Variants in CXADR observed in about 807,000 individuals in gnomAD.
CXADR encodes coxsackievirus and adenovirus receptor.
CXADR carries 20 observed loss-of-function variants against 40.3 expected under a neutral mutation model. The observed-to-expected ratio is 0.50, with a 90% CI of 0.35 to 0.72. The LOEUF (loss-of-function observed/expected upper bound fraction) is 0.72. CXADR is among the 30% of genes least tolerant of loss of function. The probability of loss-of-function intolerance (pLI) is 0.01; values close to 1 mark genes in which losing one functional copy is unlikely to be tolerated. For missense variants in CXADR, 332 were observed against 449.1 expected (o/e 0.74, Z 2.36); for synonymous variants, 150 against 161.3 (o/e 0.93, Z 0.53).
At chr21:17,535,734 C>T (rs901123547) in intron 1 of CXADR, among the ~76,000 whole-genome samples, 7 of 152,130 alleles carry the variant, frequency 4.6e-5, no homozygotes, top group African/African-American at 1.7e-4. Flanking sequence ...TGGCTGGGCA[C>T]GTTGGCTTAC....
rs769030571 is a variant in CXADR, at chr21:17,569,046, G to T, written c.*3354G>T. 6.1e-6 allele frequency: 6 copies of T among 985,226 alleles called. No homozygotes were observed. The highest frequency in any genetic ancestry group is 7.2e-6 in the Non-Finnish European group (6 of 829,934). 61.0% of individuals were successfully genotyped at this position (985,226 alleles called of 1,614,324 possible). On this transcript the variant is annotated 3_prime_UTR_variant, in exon 7 of 7. Transcript: ENST00000284878. ...TTGGAAATTTGGAACAAGTAAAGGG[G>T]CAAGTAAACCTTTTGATGAAATATA... is the stretch of plus-strand genomic sequence containing the variant.
At chr21:17,576,492 T>G (rs1176468098) in intron 7 of CXADR, among the ~76,000 whole-genome samples, 2 of 152,224 alleles carry the variant, frequency 1.3e-5, no homozygotes, top group African/African-American at 4.8e-5. Context: ...AGTGTTAGCT[T>G]TTAGCATCGT....
At position 17,566,699 on chromosome 21, in the gene CXADR, T is replaced by C; in HGVS notation, c.*1007T>C. The stretch of plus-strand genomic sequence containing the variant: ...TTTTTGGATGGTGTTACATATTATA[T>C]GTTCTAGAAACATGTAATCCTAAAT... On this transcript the variant is annotated 3_prime_UTR_variant, in exon 7 of 7. Transcript: ENST00000284878. 1 of 980,028 alleles carries C rather than the reference T, an allele frequency of 1.0e-6. No individual in the cohort carries two copies. The highest frequency in any genetic ancestry group is 4.7e-5 in the South Asian group (1 of 21,180). The allele number at this position is 980,028 out of a possible 1,614,324, so 60.7% of individuals were successfully genotyped here.
intron 1 of CXADR, among the ~76,000 whole-genome samples, chr21:17,544,577 C>T (rs1267107688): frequency 6.6e-6 from 1 of 152,100 alleles, no homozygotes; most frequent in Non-Finnish European, 1.5e-5. Flanking sequence ...CCAGACACCT[C>T]CGTTGCCCCC....
chr21:17,594,449 C>T, downstream of CXADR: 3 of 1,202,716 alleles, frequency 2.5e-6, no homozygotes, highest in Admixed American at 2.4e-5. Flanking sequence ...ATCTAAGTGA[C>T]ACTCCTATTG....
chr21:17,573,907 AAG>A (rs550981188), downstream of CXADR, among the ~76,000 whole-genome samples: 8 of 148,278 alleles, frequency 5.4e-5, no homozygotes, highest in Non-Finnish European at 1.2e-4. Flanking sequence ...CCCTGTAAAA[AAG>A]AAAAAAATTC....
At chr21:17,531,307 AAAAAG>A (rs1177514001) in intron 1 of CXADR, among the ~76,000 whole-genome samples, 3 of 151,914 alleles carry the variant, frequency 2.0e-5, no homozygotes, top group Non-Finnish European at 2.9e-5. Context: ...TCAAAAAAAA[AAAAAG>A]AAAAGAAAAA....
At chr21:17,521,302 G>T (rs2060527287) in intron 1 of CXADR, among the ~76,000 whole-genome samples, 1 of 152,118 alleles carries the variant, frequency 6.6e-6, no homozygotes, top group Non-Finnish European at 1.5e-5. Context: ...CTGCAGAGGT[G>T]AGAGTGAAGC....
At chr21:17,629,138 G>A in the CXADR span, among the ~76,000 whole-genome samples, 1 of 152,098 alleles carries the variant, frequency 6.6e-6, no homozygotes, top group Non-Finnish European at 1.5e-5. Context: ...ACAGCACTTT[G>A]GGAGGCCGAG....
chr21:17,540,849 T>C (rs987948663), intron 1 of CXADR, among the ~76,000 whole-genome samples: 8 of 152,366 alleles, frequency 5.3e-5, no homozygotes, highest in African/African-American at 1.9e-4. Context: ...ATTGGCCTTA[T>C]TGAATTTTTT....
intron 6 of CXADR, among the ~76,000 whole-genome samples, chr21:17,562,710 A>G (rs1246962892): frequency 6.6e-6 from 1 of 152,234 alleles, no homozygotes; most frequent in East Asian, 1.9e-4. Context: ...TACCTTCATC[A>G]ACGATCTTTT....
chr21:17,565,454 G>T lies in CXADR; in HGVS notation c.860G>T (p.Arg287Leu), dbSNP rs774931845. The change falls in exon 7 of 7, where the codon CGT becomes CTT. Residue 287 changes from arginine to leucine, a missense_variant. This residue lies in a region of CXADR where 150 missense variants were observed against 194.2 expected (regional missense o/e 0.77). Transcript: ENST00000284878. The part of the protein sequence containing the change: ...IREDVPPPKS[R>L]TSTARSYIGS... ...GAAGATGTGCCACCTCCAAAGAGCC[G>T]TACGTCCACTGCCAGAAGCTACATC... The T allele has an allele frequency of 2.5e-6, 4 of 1,613,910 alleles. No individual in the cohort carries two copies. The South Asian group carries it at 4.4e-5, about 18-fold the overall frequency.
At chr21:17,589,596 T>G (rs544748776) in intron 7 of CXADR, among the ~76,000 whole-genome samples, 1 of 151,932 alleles carries the variant, frequency 6.6e-6, no homozygotes, top group South Asian at 2.1e-4. Flanking sequence ...TTTTTTTTAT[T>G]CTACTCTTTT....
At position 17,513,139 on chromosome 21, in the gene CXADR, C is replaced by A; in HGVS notation, c.10C>A (p.Leu4Met). 1.5e-6 allele frequency: 2 copies of A among 1,367,882 alleles called. No homozygotes were observed. The highest frequency in any genetic ancestry group is 1.9e-6 in the Non-Finnish European group (2 of 1,057,312). 84.7% of individuals were successfully genotyped at this position (1,367,882 alleles called of 1,614,324 possible). A position where few individuals can be genotyped will look rare whatever the true frequency, so the allele number is the denominator to read the frequency against. The change falls in exon 1 of 7, where the codon CTG becomes ATG. Residue 4 changes from leucine (L) to methionine (M), a missense_variant. Leu to Met is a conservative substitution (Grantham distance 15). Around this residue, in one of 3 missense-constraint regions of CXADR, gnomAD observed 162 missense variants for 198.5 expected, o/e 0.82. Transcript: ENST00000284878. MAL[L>M]LCFVLLCGVV... is the part of the protein sequence containing the mutation. ...CGGCACGGCAGCCACCATGGCGCTC[C>A]TGCTGTGCTTCGTGCTCCTGTGCGG... is the stretch of plus-strand genomic sequence containing the variant.
the CXADR span, among the ~76,000 whole-genome samples, chr21:17,629,387 C>CAAAAAAAA: frequency 2.5e-5 from 2 of 80,562 alleles, no homozygotes; most frequent in Admixed American, 1.5e-4. Context: ...GACTGTGTCT[C>CAAAAAAAA]AAAAAAAAAA....
chr21:17,602,859 T>C, the CXADR span, among the ~76,000 whole-genome samples: 13 of 152,374 alleles, frequency 8.5e-5, no homozygotes, highest in African/African-American at 3.1e-4. Context: ...AGGTCCAAAA[T>C]GTTTATATAA....
intron 3 of CXADR, among the ~76,000 whole-genome samples, chr21:17,556,077 T>C (rs2061031076): frequency 6.6e-6 from 1 of 152,234 alleles, no homozygotes; most frequent in Non-Finnish European, 1.5e-5. Flanking sequence ...CATACCCATA[T>C]CTGAGAAGGA....
chr21:17,605,007 A>C, the CXADR span: 1 of 1,612,814 alleles, frequency 6.2e-7, no homozygotes, highest in Non-Finnish European at 8.5e-7. Flanking sequence ...TCTACAACAA[A>C]GTGGAGTTAC....
At chr21:17,589,426 A>C (rs967618964) in intron 7 of CXADR, among the ~76,000 whole-genome samples, 3 of 152,090 alleles carry the variant, frequency 2.0e-5, no homozygotes, top group Admixed American at 6.6e-5. Flanking sequence ...TCCAGTTACA[A>C]AGTAATAATG....
Sources: allele counts gnomAD v4.1 joint callset (sites outside exome capture counted in the v4.1 genomes callset), GRCh38; gene constraint gnomAD v4.1.1; regional missense constraint gnomAD v4.1.1; transcripts MANE v1.5; gene names NCBI Gene and HGNC (gene_info 2026-07-23, HGNC 2026-07-21).